Variants in DPP6 observed in about 807,000 individuals in gnomAD.
DPP6 encodes A-type potassium channel modulatory protein DPP6.
A neutral mutation model predicts 122.6 loss-of-function variants in DPP6; 69 were observed. The observed-to-expected ratio is 0.56, with a 90% CI of 0.46 to 0.69. The LOEUF is 0.69. Among genes scored for constraint, DPP6 ranks in the 30% least tolerant of loss-of-function variants. The probability of loss-of-function intolerance (pLI) is 0.00; values close to 1 mark genes in which losing one functional copy is unlikely to be tolerated. For missense variants in DPP6, 928 were observed against 1,116.9 expected (o/e 0.83, Z 2.41); for synonymous variants, 418 against 433.1 (o/e 0.97, Z 0.43).
At chr7:154,738,011 C>T (rs1842647767) in intron 8 of DPP6, among the ~76,000 whole-genome samples, 1 of 152,202 alleles carries the variant, frequency 6.6e-6, no homozygotes, top group Non-Finnish European at 1.5e-5. Flanking sequence ...ACAGTGGAAC[C>T]ATAAGAAATT....
chr7:154,514,133 A>G (rs759957406), intron 3 of DPP6, among the ~76,000 whole-genome samples: 2 of 152,068 alleles, frequency 1.3e-5, no homozygotes, highest in Non-Finnish European at 2.9e-5. Context: ...ACAATTAGGC[A>G]GGCATGGTGG....
At chr7:154,555,514 C>T (rs111955628) in intron 4 of DPP6, among the ~76,000 whole-genome samples, 41 of 151,840 alleles carry the variant, frequency 2.7e-4, no homozygotes, top group African/African-American at 4.1e-4. Flanking sequence ...ATACCTAATG[C>T]TAAATGACGA....
At chr7:153,916,006 G>A (rs1379099801) in intron 1 of DPP6, among the ~76,000 whole-genome samples, 4 of 151,160 alleles carry the variant, frequency 2.6e-5, no homozygotes, top group Admixed American at 1.3e-4. Context: ...TCGCTCTGTC[G>A]CCCAGGCTGG....
intron 1 of DPP6, among the ~76,000 whole-genome samples, chr7:154,278,085 G>T (rs111647330): frequency 6.6e-6 from 1 of 152,256 alleles, no homozygotes; most frequent in African/African-American, 2.4e-5. Flanking sequence ...TCTGTATAAC[G>T]AAATTCAGTG....
intron 1 of DPP6, among the ~76,000 whole-genome samples, chr7:154,332,072 AC>A (rs1808992495): frequency 6.9e-6 from 1 of 144,212 alleles, no homozygotes; most frequent in Non-Finnish European, 1.5e-5. Context: ...TGCTTTTTAA[AC>A]TTTTTTTTTT....
At chr7:153,770,240 G>T in the DPP6 span, among the ~76,000 whole-genome samples, 2 of 152,116 alleles carry the variant, frequency 1.3e-5, no homozygotes, top group African/African-American at 4.8e-5. Context: ...GTATGAAAAT[G>T]GGAAAACTCA....
chr7:153,854,113 C>T, the DPP6 span, among the ~76,000 whole-genome samples: 1 of 148,498 alleles, frequency 6.7e-6, no homozygotes, highest in African/African-American at 2.5e-5. Context: ...ATCCTTTCCC[C>T]ATTGCTTGTT....
intron 1 of DPP6, among the ~76,000 whole-genome samples, chr7:154,209,587 A>T (rs962845943): frequency 3.9e-5 from 6 of 152,172 alleles, no homozygotes; most frequent in Admixed American, 3.3e-4. Flanking sequence ...CGACTGAAAA[A>T]GATCCAGTGA....
chr7:154,182,898 G>C (rs1304846054), intron 1 of DPP6, among the ~76,000 whole-genome samples: 1 of 152,068 alleles, frequency 6.6e-6, no homozygotes, highest in Non-Finnish European at 1.5e-5. Context: ...ATAGGTTCTT[G>C]GTTCTCATTC....
At chr7:154,089,752 C>G (rs1456077842) in intron 1 of DPP6, among the ~76,000 whole-genome samples, 4 of 145,796 alleles carry the variant, frequency 2.7e-5, no homozygotes, top group Non-Finnish European at 6.0e-5. Flanking sequence ...ATGTGGTTAT[C>G]TGAGGTATCG....
chr7:153,781,496 G>A, the DPP6 span, among the ~76,000 whole-genome samples: 109 of 152,326 alleles, frequency 7.2e-4, no homozygotes, highest in Non-Finnish European at 1.4e-3. Context: ...TGTAGGAACA[G>A]GCACACTACT....
chr7:153,795,508 G>A, the DPP6 span, among the ~76,000 whole-genome samples: 1 of 151,952 alleles, frequency 6.6e-6, no homozygotes, highest in Admixed American at 6.6e-5. Context: ...TGCTTAGTTT[G>A]GTTAGAACTT....
At chr7:154,670,471 G>A (rs995483165) in intron 7 of DPP6, among the ~76,000 whole-genome samples, 5 of 152,204 alleles carry the variant, frequency 3.3e-5, no homozygotes, top group African/African-American at 9.6e-5. Context: ...GAAGAATTTG[G>A]ATAATACGGT....
intron 6 of DPP6, among the ~76,000 whole-genome samples, chr7:154,659,442 A>G (rs965668431): frequency 6.6e-5 from 10 of 152,250 alleles, no homozygotes; most frequent in Non-Finnish European, 1.3e-4. Flanking sequence ...TGTGTATTAT[A>G]TTGCATGGTC....
chr7:154,227,749 G>C (rs1366557604), intron 1 of DPP6, among the ~76,000 whole-genome samples: 1 of 152,082 alleles, frequency 6.6e-6, no homozygotes, highest in African/African-American at 2.4e-5. Flanking sequence ...ACTTATTTGG[G>C]GAGATTGTCA....
intron 1 of DPP6, among the ~76,000 whole-genome samples, chr7:154,064,620 CTCTT>C (rs1460593878): frequency 2.6e-5 from 4 of 151,982 alleles, no homozygotes; most frequent in African/African-American, 9.7e-5. Flanking sequence ...GTTCCCAAAA[CTCTT>C]TCTATCTGTG....
Position 154,282,506 on chromosome 7 carries a change from A to C in DPP6, c.244-163708A>C, listed in dbSNP as rs1489308908. Among the ~76,000 whole-genome samples, 1 of 152,182 alleles carries C rather than the reference A, an allele frequency of 6.6e-6. No individual in the cohort carries two copies. Among genetic ancestry groups the C allele is most frequent in the Non-Finnish European group, 1.5e-5 (1 of 68,032 alleles). ...CCTTGGGAGAGTGTGGCACACTGGA[A>C]GAAAGACACGCTGTATCCTGGGCAC... On this transcript the variant is annotated intron_variant, in intron 1 of 25. Coordinates refer to ENST00000377770, the MANE Select transcript of DPP6 (RefSeq NM_130797.4). The surrounding 1 kb of genome is among the most constrained non-coding windows in gnomAD (Gnocchi z 4.8).
intron 5 of DPP6, chr7:154,588,159 C>T: frequency 6.5e-7 from 1 of 1,540,310 alleles, no homozygotes. Context: ...TCATCAGGCC[C>T]AAGAAATACT....
intron 5 of DPP6, among the ~76,000 whole-genome samples, chr7:154,623,634 T>TGCACACACGC (rs1041386567): frequency 1.9e-5 from 2 of 104,080 alleles, no homozygotes; most frequent in Admixed American, 1.9e-4. Flanking sequence ...CACACATGCG[T>TGCACACACGC]GCACACACGC....
Sources: gnomAD v4.1 joint callset for allele counts (sites outside exome capture counted in the v4.1 genomes callset) on GRCh38, gnomAD v4.1.1 for gene constraint, Gnocchi (gnomAD v3.1) non-coding constraint, MANE v1.5 for transcripts, NCBI Gene and HGNC (gene_info 2026-07-23, HGNC 2026-07-21) for gene names.